The following BHLHE41 variants were observed in gnomAD, a reference collection of about 807,000 sequenced individuals.
BHLHE41 encodes the protein basic helix-loop-helix family member e41.
In BHLHE41, 14 loss-of-function variants were observed where a neutral mutation model predicts 24.0. The ratio of observed to expected loss-of-function variants is 0.58; its 90% CI spans 0.39 to 0.91. BHLHE41 has a LOEUF of 0.91. BHLHE41 is among the 40% of genes least tolerant of loss of function. BHLHE41 has a pLI of 0.00. For synonymous variants in BHLHE41, 394 were observed against 315.5 expected (o/e 1.25, Z -2.64); for missense variants, 674 against 655.4 (o/e 1.03, Z -0.31).
chr12:26,124,562 T>A lies in BHLHE41; in HGVS notation c.83A>T (p.Tyr28Phe), dbSNP rs746294892. 2 of 1,614,016 alleles carry A rather than the reference T, an allele frequency of 1.2e-6. No individual in the cohort carries two copies. The highest frequency in any genetic ancestry group is 2.7e-5 in the African/African-American group (2 of 74,894). Residue 28 changes from tyrosine to phenylalanine, a missense_variant, in exon 2 of 5, where the codon TAT becomes TTT. Tyr to Phe is a conservative substitution (Grantham distance 22). Transcript: ENST00000242728. The part of the protein sequence containing the change: ...DFIGLDYSSL[Y>F]MCKPKRSMKR... ...CATGCTCCTTTTGGGTTTACACATA[T>A]ACAAAGAGGAATAGTCCAGTCTGCA...
In BHLHE41 at chr12:26,122,185, G is replaced by A; in HGVS notation, c.1330C>T (p.Pro444Ser). 1 of 1,482,208 alleles carries A rather than the reference G, an allele frequency of 6.7e-7. No individual in the cohort carries two copies. Among genetic ancestry groups the A allele is most frequent in the Admixed American group, 2.4e-5 (1 of 41,002 alleles). The allele number at this position is 1,482,208 out of a possible 1,614,324, so 91.8% of individuals were successfully genotyped here. The change falls in exon 5 of 5, where the codon CCG (proline) becomes TCG (serine). Residue 444 changes from proline (P) to serine (S), a missense_variant. This residue lies in a region of BHLHE41 where 602 missense variants were observed against 570.8 expected (regional missense o/e 1.05). Transcript: ENST00000242728. ...LPHEVAPLGA[P>S]HPQHPHGRTH... ...CGGCCGTGCGGGTGCTGGGGGTGCG[G>A]CGCCCCAAGGGGCGCCACCTCGTGC... is the stretch of plus-strand genomic sequence containing the variant.
At chr12:26,123,989 T>A in intron 3 of BHLHE41, 83 bp downstream of exon 3, 1 of 1,014,546 alleles carries the variant, frequency 9.9e-7, no homozygotes, top group Non-Finnish European at 1.5e-6. Flanking sequence ...TATATTTACA[T>A]TTATTCTTAT....
At position 26,122,934 on chromosome 12, in the gene BHLHE41, G is replaced by A; in HGVS notation, c.581C>T (p.Ser194Leu). The part of the protein sequence containing the change: ...VPLSKGTGAP[S>L]AAGSAAAPCL... ...GGGGGCGGCCGCGGACCCGGCGGCC[G>A]AGGGAGCGCCGGTGCCTTTGCTCAG... Residue 194 changes from serine (S) to leucine (L), a missense_variant, in exon 5 of 5, where the codon TCG becomes TTG. Ser to Leu is a moderately radical substitution (Grantham distance 145). Coordinates refer to ENST00000242728, the MANE Select transcript of BHLHE41 (RefSeq NM_030762.3). 1.3e-6 allele frequency: 2 copies of A among 1,551,994 alleles called. No homozygotes were observed. The highest frequency in any genetic ancestry group is 1.2e-5 in the South Asian group (1 of 84,180).
chr12:26,122,779 C>T lies in BHLHE41; in HGVS notation c.736G>A (p.Ala246Thr). 1 of 1,586,286 alleles carries T rather than the reference C, an allele frequency of 6.3e-7. No individual in the cohort carries two copies. Among genetic ancestry groups the T allele is most frequent in the Non-Finnish European group, 8.5e-7 (1 of 1,172,886 alleles). ...TDTDSGYGGE[A>T]EARPDREKGK... ...TTCTCGCGGTCCGGCCGGGCCTCGG[C>T]TTCGCCGCCGTAGCCGCTGTCGGTG... Residue 246 changes from alanine to threonine, a missense_variant, in exon 5 of 5, where the codon GCC becomes ACC. Physicochemically the swap from Ala to Thr is moderately conservative, Grantham distance 58. Coordinates refer to ENST00000242728, the MANE Select transcript of BHLHE41 (RefSeq NM_030762.3).
In BHLHE41 at chr12:26,124,865, G is replaced by C. The variant is rs894235547; in HGVS notation, c.-86C>G. 2 of 1,327,476 alleles carry C rather than the reference G, an allele frequency of 1.5e-6. No homozygotes were observed. Among genetic ancestry groups the C allele is most frequent in the Non-Finnish European group, 2.2e-6 (2 of 923,422 alleles). The allele number at this position is 1,327,476 out of a possible 1,614,324, so 82.2% of individuals were successfully genotyped here. On this transcript the variant is annotated 5_prime_UTR_variant, in exon 1 of 5. Transcript: ENST00000242728. ...GACGGTAGGCTTGGGAGACCTTGGG[G>C]GGATCTGTGCGTCTCCAGTCTCTCT...
In BHLHE41 at chr12:26,120,254, T is replaced by A. The variant is rs1207942639; in HGVS notation, c.*1812A>T. 6.6e-6 allele frequency: 1 copy of A among 152,662 alleles called. No homozygotes were observed. The highest frequency in any genetic ancestry group is 6.5e-5 in the Admixed American group (1 of 15,286). The allele number at this position is 152,662 out of a possible 1,614,324, so 9.5% of individuals were successfully genotyped here. ...TGTCTTTTTTAATTATTAGACAATA[T>A]CATATCGTATATTAAAGTTTTTATT... On this transcript the variant is annotated 3_prime_UTR_variant, in exon 5 of 5. Transcript: ENST00000242728.
In BHLHE41 at chr12:26,122,617, C is replaced by T. The variant is rs1944321205; in HGVS notation, c.898G>A (p.Ala300Thr). The change falls in exon 5 of 5, where the codon GCG becomes ACG. Residue 300 changes from alanine (A) to threonine (T), a missense_variant. Physicochemically the swap from Ala to Thr is moderately conservative, Grantham distance 58. Around this residue, in one of 3 missense-constraint regions of BHLHE41, gnomAD observed 602 missense variants for 570.8 expected, o/e 1.05. Coordinates refer to ENST00000242728, the MANE Select transcript of BHLHE41 (RefSeq NM_030762.3). ...GGGPGGGAAA[A>T]AAALLGPDPA... ...TCGGGCCCCAGAAGCGCGGCTGCCGCCGCCGCCGCGCCGCCCCCCGGGCCG... is the reference window on the plus strand; with the variant it reads ...TCGGGCCCCAGAAGCGCGGCTGCCGTCGCCGCCGCGCCGCCCCCCGGGCCG... The T allele has an allele frequency of 3.5e-6, 4 of 1,159,214 alleles. No individual in the cohort carries two copies. The highest frequency in any genetic ancestry group is 1.7e-5 in the African/African-American group (1 of 60,168). The allele number at this position is 1,159,214 out of a possible 1,614,324, so 71.8% of individuals were successfully genotyped here.
In BHLHE41 at chr12:26,122,073, GCTTCCTTTCCTGGCTGCGAGGGAT is replaced by G; in HGVS notation, c.1418_1441del (p.Asp473_Glu480del). ...CCTTCGGGACGCAAGGATTCAGGGA[GCTTCCTTTCCTGGCTGCGAGGGAT>G]CTTCCTGAGCAGAGCTCTCCGGGTT... is the stretch of plus-strand genomic sequence containing the variant. On this transcript the variant is annotated inframe_deletion, in exon 5 of 5. Coordinates refer to ENST00000242728, the MANE Select transcript of BHLHE41 (RefSeq NM_030762.3). The G allele has an allele frequency of 6.5e-7, 1 of 1,549,698 alleles. No homozygotes were observed. Among genetic ancestry groups the G allele is most frequent in the Non-Finnish European group, 8.7e-7 (1 of 1,146,552 alleles).
In BHLHE41 at chr12:26,121,709, C is replaced by A; in HGVS notation, c.*357G>T. On this transcript the variant is annotated 3_prime_UTR_variant, in exon 5 of 5. Transcript: ENST00000242728. Reference sequence around the variant, plus strand: ...AGAACAGACCCTTCTTACTTCCTCTCGAATTAGGTTCCAATTTTAAGAGAT... The same window carrying A: ...AGAACAGACCCTTCTTACTTCCTCTAGAATTAGGTTCCAATTTTAAGAGAT... 3.3e-6 allele frequency: 1 copy of A among 298,830 alleles called. No individual in the cohort carries two copies. Among genetic ancestry groups the A allele is most frequent in the South Asian group, 3.1e-5 (1 of 32,076 alleles). The allele number at this position is 298,830 out of a possible 1,614,324, so 18.5% of individuals were successfully genotyped here. A position where few individuals can be genotyped will look rare whatever the true frequency, so the allele number is the denominator to read the frequency against.
chr12:26,122,364 G>A lies in BHLHE41; in HGVS notation c.1151C>T (p.Pro384Leu), dbSNP rs121912617. ...KYLYPAAAAA[P>L]FPLLYPGIPA... is the part of the protein sequence containing the mutation. ...GATGCCGGGGTATAGCAGCGGGAAC[G>A]GGGCGGCAGCCGCCGCCGGGTACAG... is the stretch of plus-strand genomic sequence containing the variant. Residue 384 changes from proline to leucine, a missense_variant, in exon 5 of 5, where the codon CCG becomes CTG. This residue lies in a region of BHLHE41 where 602 missense variants were observed against 570.8 expected (regional missense o/e 1.05). Transcript: ENST00000242728. 4.2e-6 allele frequency: 5 copies of A among 1,180,500 alleles called. No individual in the cohort carries two copies. The highest frequency in any genetic ancestry group is 5.2e-6 in the Non-Finnish European group (5 of 954,284). 73.1% of individuals were successfully genotyped at this position (1,180,500 alleles called of 1,614,324 possible). A position where few individuals can be genotyped will look rare whatever the true frequency, so the allele number is the denominator to read the frequency against.
chr12:26,122,481 G>A lies in BHLHE41; in HGVS notation c.1034C>T (p.Ala345Val), dbSNP rs1168138395. The A allele has an allele frequency of 1.5e-6, 2 of 1,331,362 alleles. No homozygotes were observed. Among genetic ancestry groups the A allele is most frequent in the South Asian group, 1.7e-5 (1 of 58,660 alleles). The allele number at this position is 1,331,362 out of a possible 1,614,324, so 82.5% of individuals were successfully genotyped here. A position where few individuals can be genotyped will look rare whatever the true frequency, so the allele number is the denominator to read the frequency against. ...GAAGCAGAAGGGCAGGCAGAAGGGGGCCGCGGCGGCCGCGGGCTGCGGGAA... is the reference window on the plus strand; with the variant it reads ...GAAGCAGAAGGGCAGGCAGAAGGGGACCGCGGCGGCCGCGGGCTGCGGGAA... ...APFPQPAAAA[A>V]PFCLPFCFLS... is the part of the protein sequence containing the mutation. The change falls in exon 5 of 5, where the codon GCC becomes GTC. Residue 345 changes from alanine (A) to valine (V), a missense_variant. Ala to Val is a moderately conservative substitution (Grantham distance 64). Coordinates refer to ENST00000242728, the MANE Select transcript of BHLHE41 (RefSeq NM_030762.3).
In BHLHE41 at chr12:26,123,069, AACCGGGAGAGGT is replaced by A; in HGVS notation, c.434_445del (p.Tyr145_Arg148del). On this transcript the variant is annotated inframe_deletion, in exon 5 of 5. Coordinates refer to ENST00000242728, the MANE Select transcript of BHLHE41 (RefSeq NM_030762.3). Reference sequence around the variant, plus strand: ...CGGCTCCCTGGGTGTCCAGCTCTCAAACCGGGAGAGGTATTGCAAGACTTCTTTGGCGCATGT... The same window carrying A: ...CGGCTCCCTGGGTGTCCAGCTCTCAAATTGCAAGACTTCTTTGGCGCATGT... The A allele has an allele frequency of 6.3e-7, 1 of 1,593,238 alleles. No individual in the cohort carries two copies. Among genetic ancestry groups the A allele is most frequent in the Non-Finnish European group, 8.6e-7 (1 of 1,169,376 alleles).
Position 26,122,645 on chromosome 12 carries a change from G to A in BHLHE41, c.870C>T (p.Gly290=), listed in dbSNP as rs756489742. Reference sequence around the variant, plus strand: ...CCGCCGCGCCGCCCCCCGGGCCGCCGCCGCTGCCGCCGCCGCGGGAATCCA... The same window carrying A: ...CCGCCGCGCCGCCCCCCGGGCCGCCACCGCTGCCGCCGCCGCGGGAATCCA... ...MKLDSRGGGS[G]GGPGGGAAAA... is the part of the protein sequence containing the mutation. Residue 290 remains glycine, a synonymous_variant, in exon 5 of 5, where the codon GGC becomes GGT. Transcript: ENST00000242728. 6.8e-6 allele frequency: 9 copies of A among 1,325,504 alleles called. No individual in the cohort carries two copies. Among genetic ancestry groups the A allele is most frequent in the South Asian group, 2.5e-5 (1 of 40,222 alleles). 82.1% of individuals were successfully genotyped at this position (1,325,504 alleles called of 1,614,324 possible). A position where few individuals can be genotyped will look rare whatever the true frequency, so the allele number is the denominator to read the frequency against.
rs1335014517 is a variant in BHLHE41, at chr12:26,121,842, G to T, written c.*224C>A. 3.8e-6 allele frequency: 4 copies of T among 1,048,048 alleles called. No individual in the cohort carries two copies. The highest frequency in any genetic ancestry group is 5.3e-6 in the Non-Finnish European group (4 of 755,610). 64.9% of individuals were successfully genotyped at this position (1,048,048 alleles called of 1,614,324 possible). A position where few individuals can be genotyped will look rare whatever the true frequency, so the allele number is the denominator to read the frequency against. ...CAGCTGGTGGGGGGAAGAAAGGGAT[G>T]TTAGTGTGTGGAGGGTGGGGTGGTG... On this transcript the variant is annotated 3_prime_UTR_variant, in exon 5 of 5. Coordinates refer to ENST00000242728, the MANE Select transcript of BHLHE41 (RefSeq NM_030762.3).
Position 26,122,112 on chromosome 12 carries a change from C to A in BHLHE41, c.1403G>T (p.Ser468Ile). The change falls in exon 5 of 5, where the codon AGC (serine) becomes ATC (isoleucine). Residue 468 changes from serine to isoleucine, a missense_variant. Ser to Ile is a moderately radical substitution (Grantham distance 142, BLOSUM62 -2). Around this residue, in one of 3 missense-constraint regions of BHLHE41, gnomAD observed 602 missense variants for 570.8 expected, o/e 1.05. Coordinates refer to ENST00000242728, the MANE Select transcript of BHLHE41 (RefSeq NM_030762.3). ...CTGCGAGGGATCTTCCTGAGCAGAGCTCTCCGGGTTCCCCGGCTCGCGGGG... is the reference window on the plus strand; with the variant it reads ...CTGCGAGGGATCTTCCTGAGCAGAGATCTCCGGGTTCCCCGGCTCGCGGGG... ...AGPREPGNPE[S>I]SAQEDPSQPG... is the part of the protein sequence containing the mutation. The A allele has an allele frequency of 5.2e-6, 8 of 1,549,568 alleles. No homozygotes were observed. Among genetic ancestry groups the A allele is most frequent in the Non-Finnish European group, 7.0e-6 (8 of 1,146,542 alleles).
chr12:26,122,303 G>C lies in BHLHE41; in HGVS notation c.1212C>G (p.Ala404=), dbSNP rs1056302354. ...GGAACGCGGCGGCGGCGGCGGCAGC[G>C]GCGGCGGCGGCTGCCGCGGCTGCCG... ...APAAAAAAAA[A]AAAAAAAFPC... Residue 404 remains alanine, a synonymous_variant, in exon 5 of 5, where the codon GCC becomes GCG. Transcript: ENST00000242728. 1.3e-5 allele frequency: 15 copies of C among 1,163,890 alleles called. No homozygotes were observed. The African/African-American group carries it at 2.1e-4, about 16-fold the overall frequency. The allele number at this position is 1,163,890 out of a possible 1,614,324, so 72.1% of individuals were successfully genotyped here.
In BHLHE41 at chr12:26,120,843, G is replaced by A. The variant is rs1944297831; in HGVS notation, c.*1223C>T. The A allele has an allele frequency of 6.6e-6, 1 of 152,616 alleles. No individual in the cohort carries two copies. The highest frequency in any genetic ancestry group is 6.5e-5 in the Admixed American group (1 of 15,284). 9.5% of individuals were successfully genotyped at this position (152,616 alleles called of 1,614,324 possible). A position where few individuals can be genotyped will look rare whatever the true frequency, so the allele number is the denominator to read the frequency against. On this transcript the variant is annotated 3_prime_UTR_variant, in exon 5 of 5. Transcript: ENST00000242728. ...CTAAAAATATCTAGACAAGGTCTTG[G>A]TTTAAGCCTTATTAAAAAAGCTTTC...
chr12:26,122,335 C>G lies in BHLHE41; in HGVS notation c.1180G>C (p.Ala394Pro). Residue 394 changes from alanine to proline, a missense_variant, in exon 5 of 5, where the codon GCC becomes CCC. Ala to Pro is a conservative substitution (Grantham distance 27, BLOSUM62 -1). Coordinates refer to ENST00000242728, the MANE Select transcript of BHLHE41 (RefSeq NM_030762.3). ...PFPLLYPGIP[A>P]PAAAAAAAAA... is the part of the protein sequence containing the mutation. ...GCGGCTGCCGCGGCTGCCGCCGGGG[C>G]GGGGATGCCGGGGTATAGCAGCGGG... is the stretch of plus-strand genomic sequence containing the variant. 2 of 1,160,624 alleles carry G rather than the reference C, an allele frequency of 1.7e-6. No homozygotes were observed. Among genetic ancestry groups the G allele is most frequent in the Non-Finnish European group, 2.1e-6 (2 of 944,994 alleles). The allele number at this position is 1,160,624 out of a possible 1,614,324, so 71.9% of individuals were successfully genotyped here.
Position 26,122,510 on chromosome 12 carries a change from C to T in BHLHE41, c.1005G>A (p.Ala335=), listed in dbSNP as rs1565664516. The change falls in exon 5 of 5, where the codon GCG becomes GCA. Residue 335 remains alanine, a synonymous_variant. Transcript: ENST00000242728. ...SLVAFGGGGG[A]PFPQPAAAAA... is the part of the protein sequence containing the mutation. ...CGGCGGCCGCGGGCTGCGGGAAGGGCGCGCCTCCGCCTCCGCCGAACGCCA... is the reference window on the plus strand; with the variant it reads ...CGGCGGCCGCGGGCTGCGGGAAGGGTGCGCCTCCGCCTCCGCCGAACGCCA... The T allele has an allele frequency of 1.5e-6, 2 of 1,300,558 alleles. No homozygotes were observed. Among genetic ancestry groups the T allele is most frequent in the African/African-American group, 1.6e-5 (1 of 63,994 alleles). The allele number at this position is 1,300,558 out of a possible 1,614,324, so 80.6% of individuals were successfully genotyped here.
Sources: allele counts gnomAD v4.1 joint callset, GRCh38; gene constraint gnomAD v4.1.1; regional missense constraint gnomAD v4.1.1; transcripts MANE v1.5; gene names NCBI Gene and HGNC (gene_info 2026-07-23, HGNC 2026-07-21).